Variants in WFDC9 observed in about 807,000 individuals in gnomAD.
The protein encoded by WFDC9 is protein WFDC9.
A neutral mutation model predicts 9.5 loss-of-function variants in WFDC9; 9 were observed. The observed-to-expected ratio is 0.95, with a 90% CI of 0.57 to 1.65. WFDC9 has a LOEUF of 1.65. WFDC9 is among the 40% of genes most tolerant of loss of function. WFDC9 has a pLI of 0.00. For missense variants in WFDC9, 87 were observed against 106.7 expected, an observed-to-expected ratio of 0.82 and a Z score of 0.81; for synonymous variants, 33 against 32.3, an observed-to-expected ratio of 1.02 and a Z score of -0.07.
At chr20:45,620,516 C>A (rs1004158405) in intron 1 of WFDC9, among the ~76,000 whole-genome samples, 1 of 152,148 alleles carries the variant, frequency 6.6e-6, no homozygotes, top group African/African-American at 2.4e-5. Context: ...CACTTGAACC[C>A]AGGAGGCAGA....
At chr20:45,614,567 G>GCAAGCCCT (rs1981933353) in intron 2 of WFDC9, 61 bp downstream of exon 2, 1 of 152,136 alleles carries the variant, frequency 6.6e-6, no homozygotes, top group African/African-American at 2.4e-5. Context: ...TCTGGGCTAG[G>GCAAGCCCT]AATTAATCCA....
chr20:45,618,881 A>G lies in WFDC9; in HGVS notation c.-152-4160T>C, dbSNP rs538527587. 5.3e-4 allele frequency among the ~76,000 whole-genome samples: 81 copies of G among 152,370 alleles called. No homozygotes were observed. The South Asian group carries it at 0.016, about 31-fold the overall frequency. On this transcript the variant is annotated intron_variant, in intron 1 of 4. Coordinates refer to ENST00000326000, the MANE Select transcript of WFDC9 (RefSeq NM_147198.4). The stretch of plus-strand genomic sequence containing the variant: ...TAGTGCCAAAAGATTTGCTCAATGC[A>G]GGGTTGCTGCAAACCTTCAATTTGT...
intron 1 of WFDC9, among the ~76,000 whole-genome samples, chr20:45,615,723 C>T (rs1981958197): frequency 6.6e-6 from 1 of 152,172 alleles, no homozygotes; most frequent in Admixed American, 6.5e-5. Context: ...GTATATGTTT[C>T]AGTATACAAC....
At chr20:45,628,054 G>A (rs1320607936) in intron 1 of WFDC9, among the ~76,000 whole-genome samples, 2 of 152,028 alleles carry the variant, frequency 1.3e-5, no homozygotes, top group Non-Finnish European at 2.9e-5. Flanking sequence ...TAATTTGAAT[G>A]TATAAAGTAT....
At chr20:45,624,930 G>A (rs1051898892) in intron 1 of WFDC9, among the ~76,000 whole-genome samples, 16 of 152,002 alleles carry the variant, frequency 1.1e-4, no homozygotes, top group African/African-American at 3.9e-4. Flanking sequence ...TTTTTAAATT[G>A]GATTGTTTGT....
At chr20:45,613,692 AG>A (rs1981910505) in intron 2 of WFDC9, among the ~76,000 whole-genome samples, 2 of 152,182 alleles carry the variant, frequency 1.3e-5, no homozygotes, top group African/African-American at 4.8e-5. Context: ...CTACAATTTA[AG>A]GGCTTCTCTT....
chr20:45,628,591 G>A (rs1465010989), intron 1 of WFDC9, among the ~76,000 whole-genome samples: 1 of 152,206 alleles, frequency 6.6e-6, no homozygotes, highest in Non-Finnish European at 1.5e-5. Context: ...AGGAAAGAGA[G>A]AGCCTTTGGG....
intron 2 of WFDC9, among the ~76,000 whole-genome samples, chr20:45,611,820 G>A (rs557485188): frequency 7.9e-5 from 12 of 152,170 alleles, no homozygotes; most frequent in South Asian, 4.2e-4. Flanking sequence ...TCCACCTACC[G>A]GATATCAAAT....
chr20:45,629,787 C>T (rs142321709), intron 1 of WFDC9: 2 of 1,609,674 alleles, frequency 1.2e-6, no homozygotes, highest in African/African-American at 1.3e-5. Flanking sequence ...CCTGGCCAGA[C>T]ATAGGGCTCA....
chr20:45,621,334 T>C (rs1982094933), intron 1 of WFDC9, among the ~76,000 whole-genome samples: 1 of 152,264 alleles, frequency 6.6e-6, no homozygotes, highest in Non-Finnish European at 1.5e-5. Context: ...TCTCTTATTC[T>C]ATCTCTTCCT....
At chr20:45,626,055 CAT>C (rs1253278708) in intron 1 of WFDC9, among the ~76,000 whole-genome samples, 1 of 151,932 alleles carries the variant, frequency 6.6e-6, no homozygotes, top group Admixed American at 6.6e-5. Context: ...CACCTGACCT[CAT>C]GTGATCCACC....
In WFDC9 at chr20:45,622,208, T is replaced by C. The variant is rs573287529; in HGVS notation, c.-152-7487A>G. Among the ~76,000 whole-genome samples the C allele has an allele frequency of 5.3e-5, 8 of 150,300 alleles. No individual in the cohort carries two copies. In the East Asian group the frequency reaches 1.2e-3, roughly 22 times the overall value. ...ATGCTACTCTATTGATTTCTTGTCC[T>C]ATTGTCACTATTTGAAAGTCTAATC... On this transcript the variant is annotated intron_variant, in intron 1 of 4. Transcript: ENST00000326000.
chr20:45,621,013 G>T (rs1209767308), intron 1 of WFDC9, among the ~76,000 whole-genome samples: 1 of 151,700 alleles, frequency 6.6e-6, no homozygotes, highest in Non-Finnish European at 1.5e-5. Flanking sequence ...CCTATCTCTG[G>T]CATCTTATTT....
chr20:45,610,408 C>A (rs747192134), intron 2 of WFDC9, among the ~76,000 whole-genome samples, 169 bp from the exon 3 acceptor site: 1 of 152,152 alleles, frequency 6.6e-6, no homozygotes, highest in Non-Finnish European at 1.5e-5. Flanking sequence ...TTACATACCC[C>A]TTCCTTTGCA....
At chr20:45,608,219 G>A in intron 4 of WFDC9, 79 bp from the exon 5 acceptor site, 1 of 1,454,770 alleles carries the variant, frequency 6.9e-7, no homozygotes, top group Non-Finnish European at 9.4e-7. Context: ...CTAGGCCCCA[G>A]ATGAAAAAGG....
intron 1 of WFDC9, among the ~76,000 whole-genome samples, chr20:45,628,662 G>A (rs548182399): frequency 3.3e-5 from 5 of 152,278 alleles, no homozygotes; most frequent in Admixed American, 6.5e-5. Context: ...GAATTATAAA[G>A]GATATCGCAA....
At chr20:45,628,995 G>T (rs1041289411) in intron 1 of WFDC9, among the ~76,000 whole-genome samples, 9 of 152,110 alleles carry the variant, frequency 5.9e-5, no homozygotes, top group Non-Finnish European at 7.4e-5. Context: ...AGCCTGCCAA[G>T]CCTTTGACTG....
intron 1 of WFDC9, among the ~76,000 whole-genome samples, chr20:45,621,798 T>A (rs1343382959): frequency 6.6e-6 from 1 of 152,188 alleles, no homozygotes; most frequent in Non-Finnish European, 1.5e-5. Context: ...AAAAGACACT[T>A]GGAAGCATGC....
At chr20:45,617,113 A>G (rs1981988971) in intron 1 of WFDC9, among the ~76,000 whole-genome samples, 1 of 152,110 alleles carries the variant, frequency 6.6e-6, no homozygotes, top group South Asian at 2.1e-4. Context: ...ATTACAGTTG[A>G]CCCTTGAACA....
Sources: allele counts gnomAD v4.1 joint callset (sites outside exome capture counted in the v4.1 genomes callset), GRCh38; gene constraint gnomAD v4.1.1; transcripts MANE v1.5; gene names NCBI Gene and HGNC (gene_info 2026-07-23, HGNC 2026-07-21).